The following DNAH17 variants were observed in gnomAD, a reference collection of about 807,000 sequenced individuals.
DNAH17 encodes dynein axonemal heavy chain 17.
Under a neutral mutation model 485.6 loss-of-function variants are expected in DNAH17, and 376 were observed. The observed-to-expected ratio is 0.77, with a 90% CI of 0.71 to 0.84. The LOEUF (loss-of-function observed/expected upper bound fraction) is 0.84, where lower values mean the gene tolerates loss of function less well. Among genes scored for constraint, DNAH17 ranks in the 40% least tolerant of loss-of-function variants. The pLI is 0.00. For missense variants in DNAH17, 6,370 were observed against 5,839.3 expected (o/e 1.09, Z -2.96); for synonymous variants, 3,031 against 2,405.9 (o/e 1.26, Z -7.60).
At chr17:78,482,462 A>G (rs2089395229) in intron 48 of DNAH17, among the ~76,000 whole-genome samples, 2 of 151,928 alleles carry the variant, frequency 1.3e-5, no homozygotes, top group Admixed American at 1.3e-4. Context: ...CCATTCTTTT[A>G]TTTCTCCATT....
At chr17:78,446,009 T>C (rs966999763) in intron 69 of DNAH17, among the ~76,000 whole-genome samples, 3 of 151,558 alleles carry the variant, frequency 2.0e-5, no homozygotes, top group African/African-American at 7.3e-5. Context: ...CTGTTTCTAC[T>C]AAAAATACAA....
rs746936275 is a variant in DNAH17 at position 78,423,988 on chromosome 17, T to C, written c.13307A>G (p.Tyr4436Cys). 6 of 1,613,962 alleles carry C rather than the reference T, an allele frequency of 3.7e-6. No homozygotes were observed. Among genetic ancestry groups the C allele is most frequent in the Non-Finnish European group, 5.1e-6 (6 of 1,179,886 alleles). The change falls in exon 81 of 81, where the codon TAT becomes TGT. Residue 4436 changes from tyrosine to cysteine, a missense_variant. Tyr to Cys is a radical substitution (Grantham distance 194). Transcript: ENST00000389840. ...VYKTRIRGPT[Y>C]VWTFNLKTKE... is the part of the protein sequence containing the mutation. Reference sequence around the variant, plus strand: ...GGTCTTCAAGTTAAAGGTCCAGACATAGGTGGGGCCGCGGATGCGTGTTTT... The same window carrying C: ...GGTCTTCAAGTTAAAGGTCCAGACACAGGTGGGGCCGCGGATGCGTGTTTT...
chr17:78,561,537 C>T (rs2092154063), intron 12 of DNAH17, among the ~76,000 whole-genome samples, 178 bp downstream of exon 12: 1 of 152,110 alleles, frequency 6.6e-6, no homozygotes. Context: ...AGCACTCCCA[C>T]CAAGAAGGTG....
intron 77 of DNAH17, among the ~76,000 whole-genome samples, chr17:78,428,116 G>C (rs2086541471): frequency 6.6e-6 from 1 of 152,198 alleles, no homozygotes; most frequent in Non-Finnish European, 1.5e-5. Flanking sequence ...CCACTGAGCG[G>C]CTCTGGAGTA....
At chr17:78,524,931 A>G in intron 25 of DNAH17, 78 bp downstream of exon 25, 3 of 1,529,820 alleles carry the variant, frequency 2.0e-6, no homozygotes, top group Non-Finnish European at 2.6e-6. Context: ...AAGGGTGCCC[A>G]GAGCCTGCCC....
chr17:78,512,498 G>A (rs1226720981), intron 26 of DNAH17, among the ~76,000 whole-genome samples: 3 of 152,268 alleles, frequency 2.0e-5, no homozygotes, highest in Non-Finnish European at 4.4e-5. Context: ...ACCAAAATAC[G>A]CCACTTTGGC....
chr17:78,558,329 A>T (rs2092073160), intron 13 of DNAH17, 75 bp from the exon 14 acceptor site: 4 of 1,536,922 alleles, frequency 2.6e-6, no homozygotes, highest in Non-Finnish European at 3.5e-6. Flanking sequence ...AACAGAAATG[A>T]GCATCTGCCC....
rs2092142462 is a variant in DNAH17 at position 78,561,019 on chromosome 17, T to TG, written c.1836-85dup. On this transcript the variant is annotated intron_variant, in intron 12 of 80. Coordinates refer to ENST00000389840, the MANE Select transcript of DNAH17 (RefSeq NM_173628.4). The stretch of plus-strand genomic sequence containing the variant: ...CACGTCCCATCGTTGCTGCCCGATC[T>TG]GGGGTGCCGAAGCGGCCGGCCACCC... 3 of 1,372,318 alleles carry TG rather than the reference T, an allele frequency of 2.2e-6. No individual in the cohort carries two copies. The African/African-American group carries it at 4.3e-5, about 20-fold the overall frequency. The allele number at this position is 1,372,318 out of a possible 1,614,324, so 85.0% of individuals were successfully genotyped here. A position where few individuals can be genotyped will look rare whatever the true frequency, so the allele number is the denominator to read the frequency against.
rs1238317214 is a variant in DNAH17, at chr17:78,428,672, A to G, written c.12441T>C (p.Pro4147=). The G allele has an allele frequency of 3.7e-6, 6 of 1,613,892 alleles. No homozygotes were observed. Among genetic ancestry groups the G allele is most frequent in the Non-Finnish European group, 5.1e-6 (6 of 1,179,828 alleles). The part of the protein sequence containing the change: ...YHEYIDENLP[P]ESPYLYGLHP... ...GCAGGCCATACAGATAGGGACTCTC[A>G]GGGGGCAGGTTCTCATCGATGTATT... is the stretch of plus-strand genomic sequence containing the variant. Residue 4147 remains proline (P), a synonymous_variant, in exon 77 of 81, where the codon CCT becomes CCC. Coordinates refer to ENST00000389840, the MANE Select transcript of DNAH17 (RefSeq NM_173628.4).
intron 55 of DNAH17, among the ~76,000 whole-genome samples, chr17:78,467,444 G>C (rs1018267710): frequency 4.6e-5 from 7 of 152,382 alleles, no homozygotes; most frequent in African/African-American, 1.7e-4. Flanking sequence ...GTGCAGGACA[G>C]AGCCGGCACT....
Position 78,532,735 on chromosome 17 carries a change from A to T in DNAH17, c.2861T>A (p.Met954Lys), listed in dbSNP as rs1220807892. The T allele has an allele frequency of 6.3e-7, 1 of 1,590,972 alleles. No individual in the cohort carries two copies. Among genetic ancestry groups the T allele is most frequent in the African/African-American group, 1.3e-5 (1 of 74,526 alleles). Residue 954 changes from methionine to lysine, a missense_variant and splice_region_variant, in exon 20 of 81, where the codon ATG (methionine) becomes AAG (lysine). Transcript: ENST00000389840. The stretch of plus-strand genomic sequence containing the variant: ...GAGGTCTGTGTTATCTTCCAGGTCC[A>T]TCTGAAAGGGGCAGGGGAGAAGCAA... ...RLAKDRMNYK[M>K]DLEDNTDLIE...
intron 36 of DNAH17, chr17:78,500,029 G>T: frequency 2.5e-6 from 1 of 398,822 alleles, no homozygotes; most frequent in Non-Finnish European, 4.6e-6. Flanking sequence ...CCAGTTCGGG[G>T]CAATCTTAAC....
chr17:78,539,973 T>G, intron 17 of DNAH17, 93 bp from the exon 18 acceptor site: 2 of 1,300,726 alleles, frequency 1.5e-6, no homozygotes, highest in Non-Finnish European at 2.0e-6. Context: ...CGCCCGTCCA[T>G]GTTCACACGC....
intron 50 of DNAH17, 124 bp downstream of exon 50, chr17:78,479,361 C>G: frequency 7.8e-7 from 1 of 1,278,466 alleles, no homozygotes; most frequent in South Asian, 1.7e-5. Context: ...AACATAGCAT[C>G]GTTTTTAAGA....
intron 27 of DNAH17, among the ~76,000 whole-genome samples, 155 bp from the exon 28 acceptor site, chr17:78,507,960 C>T (rs149784414): frequency 4.4e-4 from 67 of 152,272 alleles, no homozygotes; most frequent in African/African-American, 1.5e-3. Context: ...AGATCCAACC[C>T]GAACCTTCAT....
At chr17:78,487,670 G>A (rs573776915) in intron 44 of DNAH17, among the ~76,000 whole-genome samples, 15 of 152,236 alleles carry the variant, frequency 9.9e-5, no homozygotes, top group East Asian at 1.9e-4. Context: ...GATCACAGGC[G>A]TGCACCATCA....
At chr17:78,512,100 C>T (rs1159988877) in intron 26 of DNAH17, among the ~76,000 whole-genome samples, 2 of 152,194 alleles carry the variant, frequency 1.3e-5, no homozygotes, top group East Asian at 1.9e-4. Flanking sequence ...CCTAGGTGGG[C>T]ACCCTCCTGG....
chr17:78,525,279 A>G, intron 24 of DNAH17, 118 bp from the exon 25 acceptor site: 1 of 1,400,182 alleles, frequency 7.1e-7, no homozygotes, highest in Non-Finnish European at 9.6e-7. Flanking sequence ...TTCTGGGAGG[A>G]GGTGTCCATA....
chr17:78,443,628 C>T (rs899053173), intron 71 of DNAH17, among the ~76,000 whole-genome samples: 1 of 152,230 alleles, frequency 6.6e-6, no homozygotes, highest in Non-Finnish European at 1.5e-5. Context: ...CGGCCCACTG[C>T]AGCCTCCACC....
Sources: gnomAD v4.1 joint callset for allele counts (sites outside exome capture counted in the v4.1 genomes callset) on GRCh38, gnomAD v4.1.1 for gene constraint, MANE v1.5 for transcripts, NCBI Gene and HGNC (gene_info 2026-07-23, HGNC 2026-07-21) for gene names.